Variants in ARAF observed in about 807,000 individuals in gnomAD.
ARAF encodes serine/threonine-protein kinase A-Raf.
ARAF carries 18 observed loss-of-function variants against 48.0 expected under a neutral mutation model. That is an observed-to-expected ratio of 0.37 (90% CI 0.26 to 0.56). ARAF has a LOEUF of 0.56. Among genes scored for constraint, ARAF ranks in the 20% least tolerant of loss-of-function variants. ARAF has a pLI of 0.77. For synonymous variants in ARAF, 207 were observed against 220.1 expected (o/e 0.94, Z 0.53); for missense variants, 389 against 543.1 (o/e 0.72, Z 2.82).
Position 47,569,575 on chromosome X carries a change from G to A in ARAF, c.1337G>A (p.Gly446Asp). 1 of 1,209,585 alleles carries A rather than the reference G, an allele frequency of 8.3e-7. No individual in the cohort carries two copies. The highest frequency in any genetic ancestry group is 1.1e-6 in the Non-Finnish European group (1 of 894,380). ...CATGAGGGGCTCACGGTGAAGATCG[G>A]TGACTTTGGCTTGGCCACAGTGAAG... Reference protein sequence around the residue: ...FLHEGLTVKIGDFGLATVKTR... With the variant: ...FLHEGLTVKIDDFGLATVKTR... Residue 446 changes from glycine to aspartate, a missense_variant, in exon 13 of 16, where the codon GGT becomes GAT. By Grantham distance (94) the Gly-to-Asp change is moderately conservative. Transcript: ENST00000377045.
intron 6 of ARAF, chrX:47,565,781 CT>C (rs1308935112): frequency 7.3e-6 from 1 of 137,421 alleles, no homozygotes; most frequent in Non-Finnish European, 1.3e-5. Context: ...CCTTTTATTG[CT>C]TTTTTATGTT....
Position 47,565,212 on chromosome X carries a change from G to A in ARAF, c.459-40G>A, listed in dbSNP as rs2057727303. 4.1e-6 allele frequency: 5 copies of A among 1,207,282 alleles called. No homozygotes were observed. The Admixed American group carries it at 8.8e-5, about 21-fold the overall frequency. ...AGCCACGAGGCCCTTACAGACAGCT[G>A]ACCCGTGTCCCCTTGCTTTATACCC... On this transcript the variant is annotated intron_variant, in intron 5 of 15. Transcript: ENST00000377045.
In ARAF at chrX:47,561,971, C is replaced by CCT. The variant is rs2057710915; in HGVS notation, c.-60+721_-60+722insTC. 3.2e-4 allele frequency among the ~76,000 whole-genome samples: 16 copies of CCT among 50,551 alleles called. 2 individuals are homozygous for CCT. The South Asian group carries it at 0.014, about 45-fold the overall frequency. The allele number at this position is 50,551 out of a possible 115,157, so 43.9% of individuals were successfully genotyped here. A position where few individuals can be genotyped will look rare whatever the true frequency, so the allele number is the denominator to read the frequency against. On this transcript the variant is annotated intron_variant, in intron 1 of 15. Coordinates refer to ENST00000377045, the MANE Select transcript of ARAF (RefSeq NM_001654.5). ...TCCCTTCCGCATAGTATGTAGTGAC[C>CCT]CCCCCCCCCCATGAATTCCTCATCA... is the stretch of plus-strand genomic sequence containing the variant.
In ARAF at chrX:47,568,840, G is replaced by C. The variant is rs764255925; in HGVS notation, c.1199G>C (p.Arg400Pro). The C allele has an allele frequency of 8.3e-7, 1 of 1,210,573 alleles. No homozygotes were observed. Among genetic ancestry groups the C allele is most frequent in the Non-Finnish European group, 1.1e-6 (1 of 895,124 alleles). The change falls in exon 11 of 16, where the codon CGC becomes CCC. Residue 400 changes from arginine (R) to proline (P), a missense_variant. Around this residue, in one of 4 missense-constraint regions of ARAF, gnomAD observed 170 missense variants for 281.4 expected, o/e 0.60. Transcript: ENST00000377045. Reference protein sequence around the residue: ...LYHHLHVADTRFDMVQLIDVA... With the variant: ...LYHHLHVADTPFDMVQLIDVA... ...CATCACCTGCATGTGGCCGACACAC[G>C]CTTCGACATGGTCCAGCTCATCGAC...
At chrX:47,561,969 ACCC>A (rs35299477) in intron 1 of ARAF, among the ~76,000 whole-genome samples, 79 of 59,007 alleles carry the variant, frequency 1.3e-3, no homozygotes, top group African/African-American at 4.5e-3. Flanking sequence ...GTATGTAGTG[ACCC>A]CCCCCCCCCA....
Position 47,566,909 on chromosome X carries a change from A to G in ARAF, c.725A>G (p.Asp242Gly). 1 of 1,211,508 alleles carries G rather than the reference A, an allele frequency of 8.3e-7. No homozygotes were observed. The highest frequency in any genetic ancestry group is 1.1e-6 in the Non-Finnish European group (1 of 895,471). ...IQLTGQSFST[D>G]AAGSRGGSDG... ...CTCACTGGCCAGAGTTTCAGCACTG[A>G]TGGTGAGTCCCCTGTGCCTGCACCC... The change falls in exon 8 of 16, where the codon GAT becomes GGT. Residue 242 changes from aspartate (D) to glycine (G), a missense_variant and splice_region_variant. Around this residue, in one of 4 missense-constraint regions of ARAF, gnomAD observed 154 missense variants for 133.6 expected, o/e 1.15. Coordinates refer to ENST00000377045, the MANE Select transcript of ARAF (RefSeq NM_001654.5).
At chrX:47,561,275 C>G (rs1160428821) in intron 1 of ARAF, 24 bp downstream of exon 1, 1 of 112,158 alleles carries the variant, frequency 8.9e-6, no homozygotes, top group Non-Finnish European at 1.9e-5. Context: ...CGGGAGGGCT[C>G]GGTTTCTGGA....
At chrX:47,569,798 C>T in intron 13 of ARAF, 95 bp from the exon 14 acceptor site, 1 of 1,138,450 alleles carries the variant, frequency 8.8e-7, no homozygotes, top group Non-Finnish European at 1.2e-6. Flanking sequence ...GTGGGTGGCT[C>T]TGAGTTGTAC....
In ARAF at chrX:47,566,148, G is replaced by T. The variant is rs953194970; in HGVS notation, c.558-491G>T. On this transcript the variant is annotated intron_variant, in intron 6 of 15. Coordinates refer to ENST00000377045, the MANE Select transcript of ARAF (RefSeq NM_001654.5). ...AAAACATTGCCATTTTTATATAGAT[G>T]ATACATATTATATAACATTTGAAAA... is the stretch of plus-strand genomic sequence containing the variant. Among the ~76,000 whole-genome samples the T allele has an allele frequency of 5.4e-5, 6 of 110,847 alleles. No homozygotes were observed. The South Asian group carries it at 2.2e-3, about 42-fold the overall frequency.
At chrX:47,564,596 C>T (rs2057724228) in intron 3 of ARAF, among the ~76,000 whole-genome samples, 1 of 112,400 alleles carries the variant, frequency 8.9e-6, no homozygotes, top group Non-Finnish European at 1.9e-5. Flanking sequence ...CAGGGCCAGT[C>T]ACTTTATCCC....
chrX:47,571,123 G>GTGTA, intron 15 of ARAF, 111 bp downstream of exon 15: 2 of 956,517 alleles, frequency 2.1e-6, no homozygotes, highest in Non-Finnish European at 2.8e-6. Flanking sequence ...GTGTGTGTGT[G>GTGTA]TGTGTGTGTG....
chrX:47,566,636 C>T lies in ARAF; in HGVS notation c.558-3C>T, dbSNP rs1408469263. On this transcript the variant is annotated splice_polypyrimidine_tract_variant and splice_region_variant and intron_variant, in intron 6 of 15. Transcript: ENST00000377045. ...AGTGATTTCACAGCCTTTCCCCTGG[C>T]AGCCCCCGCACCCAGCACTGTGACC... 2 of 1,147,158 alleles carry T rather than the reference C, an allele frequency of 1.7e-6. No individual in the cohort carries two copies. Among genetic ancestry groups the T allele is most frequent in the Admixed American group, 2.7e-5 (1 of 36,718 alleles). The allele number at this position is 1,147,158 out of a possible 1,213,427, so 94.5% of individuals were successfully genotyped here.
chrX:47,571,904 T>C lies in ARAF; in HGVS notation c.*447T>C. On this transcript the variant is annotated 3_prime_UTR_variant, in exon 16 of 16. Coordinates refer to ENST00000377045, the MANE Select transcript of ARAF (RefSeq NM_001654.5). ...TTCACCAAGAAGCACAGAATTCTGC[T>C]GGGCCTTTGCTTGTTTATTTTGTTT... is the stretch of plus-strand genomic sequence containing the variant. The C allele has an allele frequency of 5.4e-6, 1 of 184,535 alleles. No individual in the cohort carries two copies. 15.2% of individuals were successfully genotyped at this position (184,535 alleles called of 1,213,427 possible).
rs750411643 is a variant in ARAF at position 47,571,441 on chromosome X, C to G, written c.1805C>G (p.Ala602Gly). 2 of 1,205,833 alleles carry G rather than the reference C, an allele frequency of 1.7e-6. No individual in the cohort carries two copies. Among genetic ancestry groups the G allele is most frequent in the Non-Finnish European group, 2.2e-6 (2 of 892,631 alleles). Reference protein sequence around the residue: ...DELPACLLSAARLVP With the variant: ...DELPACLLSAGRLVP ...TTGCCTGCCTGCCTACTCAGCGCAG[C>G]CCGCCTTGTGCCTTAGGCCCCGCCC... Residue 602 changes from alanine (A) to glycine (G), a missense_variant, in exon 16 of 16, where the codon GCC becomes GGC. By Grantham distance (60) the Ala-to-Gly change is moderately conservative. Transcript: ENST00000377045.
chrX:47,561,598 G>A (rs2057708791), intron 1 of ARAF, among the ~76,000 whole-genome samples: 2 of 110,565 alleles, frequency 1.8e-5, no homozygotes, highest in Admixed American at 1.9e-4. Flanking sequence ...TACCAACTGC[G>A]GGGAGTGTGT....
intron 3 of ARAF, among the ~76,000 whole-genome samples, chrX:47,564,512 T>G (rs1005398963): frequency 4.5e-5 from 5 of 112,201 alleles, no homozygotes; most frequent in Admixed American, 9.4e-5. Context: ...GTTGTTTAGT[T>G]TCATTTGCTT....
At position 47,571,212 on chromosome X, in the gene ARAF, GGTGTGT is replaced by G. The variant is rs753017950; in HGVS notation, c.1687-80_1687-75del. ...TTTCGCCATGAGGCTGGGACTGTTG[GGTGTGT>G]GTGTGTGTGTGTGTGTGTGTGTGTG... On this transcript the variant is annotated intron_variant, in intron 15 of 15. Coordinates refer to ENST00000377045, the MANE Select transcript of ARAF (RefSeq NM_001654.5). 8.9e-4 allele frequency: 508 copies of G among 572,653 alleles called. 1 individual carries two copies. Among genetic ancestry groups the G allele is most frequent in the South Asian group, 1.5e-3 (32 of 20,808 alleles). 47.2% of individuals were successfully genotyped at this position (572,653 alleles called of 1,213,427 possible). A position where few individuals can be genotyped will look rare whatever the true frequency, so the allele number is the denominator to read the frequency against.
intron 6 of ARAF, chrX:47,565,862 A>G (rs917948262): frequency 6.6e-6 from 1 of 152,184 alleles, no homozygotes; most frequent in African/African-American, 3.2e-5. Context: ...TGATGTGCAT[A>G]TTTTATGGTA....
In ARAF at chrX:47,569,615, G is replaced by A. The variant is rs988388103; in HGVS notation, c.1377G>A (p.Gly459=). 6 of 1,207,942 alleles carry A rather than the reference G, an allele frequency of 5.0e-6. No homozygotes were observed. The Admixed American group carries it at 1.1e-4, about 22-fold the overall frequency. ...GLATVKTRWS[G]AQPLEQPSGS... Reference sequence around the variant, plus strand: ...CCACAGTGAAGACTCGATGGAGCGGGGCCCAGCCCTTGGAGCAGCCCTCAG... The same window carrying A: ...CCACAGTGAAGACTCGATGGAGCGGAGCCCAGCCCTTGGAGCAGCCCTCAG... Residue 459 remains glycine, a synonymous_variant, in exon 13 of 16, where the codon GGG becomes GGA. Coordinates refer to ENST00000377045, the MANE Select transcript of ARAF (RefSeq NM_001654.5).
Sources: gnomAD v4.1 joint callset for allele counts (sites outside exome capture counted in the v4.1 genomes callset) on GRCh38, gnomAD v4.1.1 for gene constraint, gnomAD v4.1.1 regional missense constraint, MANE v1.5 for transcripts, NCBI Gene and HGNC (gene_info 2026-07-23, HGNC 2026-07-21) for gene names.